TASP1: variants seen among roughly 807,000 people sequenced by gnomAD.
TASP1 encodes the protein taspase 1.
Under a neutral mutation model 56.6 loss-of-function variants are expected in TASP1, and 16 were observed. That is an observed-to-expected ratio of 0.28 (90% CI 0.19 to 0.43). The LOEUF is 0.43. Ranked by LOEUF, TASP1 falls within the 20% of genes least tolerant of loss-of-function variation. The pLI is 1.00. For synonymous variants in TASP1, 179 were observed against 184.2 expected (o/e 0.97, Z 0.23); for missense variants, 393 against 511.6 (o/e 0.77, Z 2.24).
intron 11 of TASP1, among the ~76,000 whole-genome samples, chr20:13,437,907 T>C (rs2043066540): frequency 6.6e-6 from 1 of 152,264 alleles, no homozygotes; most frequent in South Asian, 2.1e-4. Context: ...GTAGGAAGAA[T>C]CAATATCATG....
At chr20:13,484,621 A>C (rs963237451) in intron 10 of TASP1, among the ~76,000 whole-genome samples, 1 of 151,542 alleles carries the variant, frequency 6.6e-6, no homozygotes, top group African/African-American at 2.4e-5. Context: ...CCTTAATCCC[A>C]GCTACTTGGG....
chr20:13,367,298 G>A, the TASP1 span, among the ~76,000 whole-genome samples: 1 of 152,224 alleles, frequency 6.6e-6, no homozygotes, highest in Non-Finnish European at 1.5e-5. Flanking sequence ...TCAGTTGGAT[G>A]ATTTAGATAA....
the TASP1 span, among the ~76,000 whole-genome samples, chr20:13,362,545 A>T: frequency 1.8e-4 from 27 of 147,258 alleles, no homozygotes; most frequent in African/African-American, 7.0e-4. Context: ...TCCTTTACCT[A>T]CCCAAATCCT....
chr20:13,246,395 G>GGGTA, the TASP1 span, among the ~76,000 whole-genome samples: 1 of 152,060 alleles, frequency 6.6e-6, no homozygotes, highest in African/African-American at 2.4e-5. Context: ...GCCTATCTGT[G>GGGTA]GGTACGAAGC....
intron 8 of TASP1, among the ~76,000 whole-genome samples, chr20:13,542,630 A>G (rs938352809): frequency 3.3e-5 from 5 of 152,206 alleles, no homozygotes; most frequent in Non-Finnish European, 7.3e-5. Flanking sequence ...TCAAAAAACA[A>G]TATCAAACAA....
chr20:13,424,174 A>G (rs1033673088), intron 12 of TASP1, among the ~76,000 whole-genome samples: 2 of 152,218 alleles, frequency 1.3e-5, no homozygotes, highest in African/African-American at 4.8e-5. Flanking sequence ...TTTTTTTAAA[A>G]TAAATAGAGA....
chr20:13,597,420 A>C (rs1400864852), intron 4 of TASP1, among the ~76,000 whole-genome samples: 2 of 152,248 alleles, frequency 1.3e-5, no homozygotes, highest in African/African-American at 4.8e-5. Flanking sequence ...AAATAGAACC[A>C]ACAACAAAAA....
intron 11 of TASP1, among the ~76,000 whole-genome samples, chr20:13,440,455 A>AG (rs966206417): frequency 6.6e-6 from 1 of 152,186 alleles, no homozygotes; most frequent in Admixed American, 6.5e-5. Flanking sequence ...AGGCCAGGAA[A>AG]GGTAATTCTA....
intron 4 of TASP1, among the ~76,000 whole-genome samples, chr20:13,592,974 ATCCC>A (rs1313756275): frequency 7.2e-5 from 11 of 152,206 alleles, no homozygotes; most frequent in Admixed American, 4.6e-4. Flanking sequence ...AGTGAAATAC[ATCCC>A]AGTAATACAA....
chr20:13,638,459 C>G (rs1349198274), intron 1 of TASP1, among the ~76,000 whole-genome samples: 2 of 152,040 alleles, frequency 1.3e-5, no homozygotes, highest in African/African-American at 4.8e-5. Context: ...TAACGACCCG[C>G]AGGACTCTCA....
chr20:13,491,027 C>A (rs1241857314), intron 10 of TASP1, among the ~76,000 whole-genome samples: 1 of 152,112 alleles, frequency 6.6e-6, no homozygotes, highest in Non-Finnish European at 1.5e-5. Flanking sequence ...TAAAGTGATT[C>A]TCAGCTAGCT....
rs560453583 is a variant in TASP1, at chr20:13,589,138, A to C, written c.283-1768T>G. 2.2e-5 allele frequency among the ~76,000 whole-genome samples: 3 copies of C among 138,524 alleles called. No individual in the cohort carries two copies. The South Asian group carries it at 7.1e-4, about 33-fold the overall frequency. 90.9% of individuals were successfully genotyped at this position (138,524 alleles called of 152,430 possible). On this transcript the variant is annotated intron_variant, in intron 4 of 13. Coordinates refer to ENST00000337743, the MANE Select transcript of TASP1 (RefSeq NM_017714.3). ...AGTGGTGTGATCTCGGCTCACTGCG[A>C]GCTCTGCCTCCTGGGTTCACGCCAT... is the stretch of plus-strand genomic sequence containing the variant.
At chr20:13,558,916 T>C in intron 8 of TASP1, 92 bp downstream of exon 8, 1 of 706,254 alleles carries the variant, frequency 1.4e-6, no homozygotes, top group Non-Finnish European at 2.2e-6. Context: ...ACATTCTATT[T>C]CTACTGAATT....
intron 8 of TASP1, among the ~76,000 whole-genome samples, chr20:13,552,076 G>C (rs910917675): frequency 3.9e-5 from 6 of 152,272 alleles, no homozygotes; most frequent in African/African-American, 1.4e-4. Flanking sequence ...AATAGTCCTT[G>C]CTTTGCCTAA....
At chr20:13,354,660 G>A in the TASP1 span, among the ~76,000 whole-genome samples, 10 of 152,216 alleles carry the variant, frequency 6.6e-5, 1 homozygote, top group South Asian at 2.1e-4. Flanking sequence ...GAAAAAGTGC[G>A]CCAAGAAAAG....
At chr20:13,628,258 T>C (rs764650184) in intron 2 of TASP1, among the ~76,000 whole-genome samples, 12 of 152,334 alleles carry the variant, frequency 7.9e-5, no homozygotes, top group Admixed American at 3.9e-4. Flanking sequence ...TTCCAACTAA[T>C]TGAAGCTTTA....
chr20:13,214,558 CACACAG>C, the TASP1 span, among the ~76,000 whole-genome samples: 10 of 114,798 alleles, frequency 8.7e-5, no homozygotes, highest in South Asian at 2.8e-4. Context: ...CACACACACA[CACACAG>C]AGAGAGAGAG....
chr20:13,131,710 C>T, the TASP1 span, among the ~76,000 whole-genome samples: 1 of 152,180 alleles, frequency 6.6e-6, no homozygotes, highest in Non-Finnish European at 1.5e-5. Context: ...CTGGAGTAGC[C>T]TCCTGAATAT....
the TASP1 span, among the ~76,000 whole-genome samples, chr20:13,210,197 T>C: frequency 1.3e-5 from 2 of 152,186 alleles, no homozygotes; most frequent in Non-Finnish European, 2.9e-5. Flanking sequence ...TTCTTTTCCA[T>C]TGGTGATTAG....
Sources: allele counts gnomAD v4.1 joint callset (sites outside exome capture counted in the v4.1 genomes callset), GRCh38; gene constraint gnomAD v4.1.1; transcripts MANE v1.5; gene names NCBI Gene and HGNC (gene_info 2026-07-23, HGNC 2026-07-21).